The following MPDZ variants were observed in gnomAD, a reference collection of about 807,000 sequenced individuals.
The protein encoded by MPDZ is multiple PDZ domain protein.
In MPDZ, 234 loss-of-function variants were observed where a neutral mutation model predicts 239.1. The observed-to-expected ratio is 0.98, with a 90% CI of 0.88 to 1.09. MPDZ has a LOEUF of 1.09. MPDZ is among the 50% of genes least tolerant of loss of function. The probability of loss-of-function intolerance (pLI) is 0.00; values close to 1 mark genes in which losing one functional copy is unlikely to be tolerated. For synonymous variants in MPDZ, 1,048 were observed against 881.3 expected, an observed-to-expected ratio of 1.19 and a Z score of -3.35; for missense variants, 3,175 against 2,510.0, an observed-to-expected ratio of 1.26 and a Z score of -5.66.
At chr9:13,257,576 C>T (rs1364338262) in intron 1 of MPDZ, among the ~76,000 whole-genome samples, 3 of 152,084 alleles carry the variant, frequency 2.0e-5, no homozygotes, top group Non-Finnish European at 4.4e-5. Context: ...AGGGTAATTG[C>T]TTAGGTAAGT....
intron 7 of MPDZ, among the ~76,000 whole-genome samples, 170 bp downstream of exon 7, chr9:13,221,202 C>T (rs903356260): frequency 3.3e-5 from 5 of 151,948 alleles, no homozygotes; most frequent in Admixed American, 6.6e-5. Flanking sequence ...AGGTATTCCT[C>T]CCCTAGGTCT....
rs899494499 is a variant in MPDZ, at chr9:13,207,875, T to C, written c.1291-1776A>G. 5.3e-5 allele frequency among the ~76,000 whole-genome samples: 8 copies of C among 152,198 alleles called. No individual in the cohort carries two copies. In the East Asian group the frequency reaches 9.6e-4, roughly 18 times the overall value. ...AATTATATTCTGAGGTAGATAAATA[T>C]AAATTTTAACAACATGTTGTTTAAT... is the stretch of plus-strand genomic sequence containing the variant. On this transcript the variant is annotated intron_variant, in intron 10 of 46. Coordinates refer to ENST00000319217, the MANE Select transcript of MPDZ (RefSeq NM_001378778.1).
chr9:13,186,502 A>C (rs940575321), intron 17 of MPDZ, 116 bp from the exon 18 acceptor site: 2 of 671,752 alleles, frequency 3.0e-6, no homozygotes, highest in Non-Finnish European at 5.2e-6. Flanking sequence ...AAGAAATTGG[A>C]AAGTTTTCAA....
intron 3 of MPDZ, among the ~76,000 whole-genome samples, chr9:13,247,192 A>C (rs1966754976): frequency 6.6e-6 from 1 of 152,198 alleles, no homozygotes; most frequent in Admixed American, 6.5e-5. Flanking sequence ...TTACTGTCAA[A>C]ATAGAGGTGA....
At chr9:13,244,567 A>G (rs1471354560) in intron 3 of MPDZ, among the ~76,000 whole-genome samples, 1 of 152,204 alleles carries the variant, frequency 6.6e-6, no homozygotes. Context: ...TTAAACAGAG[A>G]CATCAATTAT....
intron 1 of MPDZ, among the ~76,000 whole-genome samples, chr9:13,270,856 C>T (rs1380208680): frequency 6.6e-6 from 1 of 152,060 alleles, no homozygotes; most frequent in Non-Finnish European, 1.5e-5. Context: ...ATAATTTCAG[C>T]ACCAAATTAC....
At position 13,198,737 on chromosome 9, in the gene MPDZ, C is replaced by CTCTGTGTG. The variant is rs755487892; in HGVS notation, c.1547-2508_1547-2507insCACACAGA. On this transcript the variant is annotated intron_variant, in intron 12 of 46. Coordinates refer to ENST00000319217, the MANE Select transcript of MPDZ (RefSeq NM_001378778.1). ...ATATTTAGGTCTTTAATCTCTCTCTCTGTGTGTGTGTGTGTGTGTGTGTGT... is the reference window on the plus strand; with the variant it reads ...ATATTTAGGTCTTTAATCTCTCTCTCTCTGTGTGTGTGTGTGTGTGTGTGTGTGTGTGT... 4.7e-4 allele frequency among the ~76,000 whole-genome samples: 33 copies of CTCTGTGTG among 69,806 alleles called. 1 individual carries two copies. Among genetic ancestry groups the CTCTGTGTG allele is most frequent in the Non-Finnish European group, 7.8e-4 (27 of 34,508 alleles). The allele number at this position is 69,806 out of a possible 152,430, so 45.8% of individuals were successfully genotyped here. A position where few individuals can be genotyped will look rare whatever the true frequency, so the allele number is the denominator to read the frequency against.
chr9:13,107,212 A>T (rs1010561223), intron 46 of MPDZ, 101 bp from the exon 47 acceptor site: 21 of 1,234,652 alleles, frequency 1.7e-5, no homozygotes, highest in Non-Finnish European at 2.2e-5. Flanking sequence ...CTCTGCTTGT[A>T]CACACACACT....
rs565420901 is a variant in MPDZ, at chr9:13,112,017, G to C, written c.5724+7C>G. 5 of 1,612,752 alleles carry C rather than the reference G, an allele frequency of 3.1e-6. No individual in the cohort carries two copies. In the African/African-American group the frequency reaches 4.0e-5, roughly 13 times the overall value. ...CTAGGGCTTCTAGGGTTGATAGTAC[G>C]ACTCACTCTGAGTTTTTGGGTCTGT... On this transcript the variant is annotated splice_region_variant and intron_variant, in intron 43 of 46. Transcript: ENST00000319217.
intron 40 of MPDZ, 140 bp from the exon 41 acceptor site, chr9:13,114,161 C>A: frequency 1.4e-6 from 1 of 699,682 alleles, no homozygotes; most frequent in Non-Finnish European, 2.4e-6. Context: ...AATTTAAACA[C>A]AGTTCCTACT....
intron 13 of MPDZ, among the ~76,000 whole-genome samples, chr9:13,195,612 G>A (rs1955536963): frequency 6.6e-6 from 1 of 151,874 alleles, no homozygotes; most frequent in Non-Finnish European, 1.5e-5. Context: ...AGATATACAG[G>A]CTACTAATAA....
At chr9:13,220,497 G>A (rs540657214) in intron 7 of MPDZ, among the ~76,000 whole-genome samples, 1 of 151,984 alleles carries the variant, frequency 6.6e-6, no homozygotes, top group African/African-American at 2.4e-5. Context: ...CAATATTGAA[G>A]AGTGCAGCTC....
chr9:13,213,467 A>AAC (rs1957888364), intron 10 of MPDZ, among the ~76,000 whole-genome samples: 2 of 152,106 alleles, frequency 1.3e-5, no homozygotes, highest in Admixed American at 1.3e-4. Context: ...TCGAACAAAT[A>AAC]ACAGACAAAG....
intron 22 of MPDZ, among the ~76,000 whole-genome samples, chr9:13,163,612 G>A (rs982025230): frequency 2.6e-5 from 4 of 152,060 alleles, no homozygotes; most frequent in African/African-American, 9.7e-5. Flanking sequence ...AAAGTAAACT[G>A]TTTCAAGATC....
At chr9:13,225,847 C>T (rs1390731658) in intron 3 of MPDZ, among the ~76,000 whole-genome samples, 2 of 152,034 alleles carry the variant, frequency 1.3e-5, no homozygotes, top group African/African-American at 4.8e-5. Context: ...GAGAGTTATA[C>T]TTTCCCAGCA....
intron 1 of MPDZ, among the ~76,000 whole-genome samples, chr9:13,268,677 A>G (rs1972326376): frequency 6.6e-6 from 1 of 152,212 alleles, no homozygotes; most frequent in Admixed American, 6.5e-5. Flanking sequence ...GAGAGTGTGG[A>G]GGAGAGCAGT....
At chr9:13,254,883 G>C (rs543857923) in intron 1 of MPDZ, among the ~76,000 whole-genome samples, 24 of 152,278 alleles carry the variant, frequency 1.6e-4, no homozygotes, top group African/African-American at 5.8e-4. Flanking sequence ...GCTGACTGAC[G>C]GGTGGTGGTT....
At chr9:13,128,283 A>G (rs1167393098) in intron 32 of MPDZ, among the ~76,000 whole-genome samples, 2 of 152,242 alleles carry the variant, frequency 1.3e-5, no homozygotes, top group Non-Finnish European at 2.9e-5. Context: ...AGGTCAAAAA[A>G]GGCAAAGGCA....
intron 39 of MPDZ, among the ~76,000 whole-genome samples, chr9:13,117,673 T>C (rs984785453): frequency 1.3e-5 from 2 of 152,198 alleles, no homozygotes; most frequent in African/African-American, 4.8e-5. Flanking sequence ...AACACTTCAA[T>C]GAACTCTATG....
Sources: gnomAD v4.1 joint callset for allele counts (sites outside exome capture counted in the v4.1 genomes callset) on GRCh38, gnomAD v4.1.1 for gene constraint, MANE v1.5 for transcripts, NCBI Gene and HGNC (gene_info 2026-07-23, HGNC 2026-07-21) for gene names.